KCNK2: variants seen among roughly 807,000 people sequenced by gnomAD.
KCNK2 encodes the protein potassium channel subfamily K member 2.
Under a neutral mutation model 40.5 loss-of-function variants are expected in KCNK2, and 21 were observed. That is an observed-to-expected ratio of 0.52 (90% CI 0.37 to 0.75). KCNK2 has a LOEUF of 0.75. Among genes scored for constraint, KCNK2 ranks in the 30% least tolerant of loss-of-function variants. KCNK2 has a pLI of 0.00. For synonymous variants in KCNK2, 191 were observed against 202.2 expected, an observed-to-expected ratio of 0.94 and a Z score of 0.47; for missense variants, 399 against 531.6, an observed-to-expected ratio of 0.75 and a Z score of 2.45.
intron 6 of KCNK2, among the ~76,000 whole-genome samples, chr1:215,223,175 C>T (rs929347011): frequency 4.9e-5 from 7 of 143,186 alleles, no homozygotes; most frequent in Admixed American, 7.4e-5. Context: ...TGAAGCCATC[C>T]GTTAGGTGGA....
At chr1:215,102,348 G>C (rs950664229) in intron 2 of KCNK2, among the ~76,000 whole-genome samples, 1 of 151,616 alleles carries the variant, frequency 6.6e-6, no homozygotes, top group African/African-American at 2.4e-5. Context: ...GATTTAAAAA[G>C]TAAAAAATAA....
rs1659441572 is a variant in KCNK2, at chr1:215,086,410, A to G, written c.89A>G (p.Asn30Ser). The G allele has an allele frequency of 1.9e-6, 3 of 1,613,976 alleles. No individual in the cohort carries two copies. Among genetic ancestry groups the G allele is most frequent in the Non-Finnish European group, 2.5e-6 (3 of 1,179,986 alleles). The change falls in exon 2 of 7, where the codon AAC becomes AGC. Residue 30 changes from asparagine to serine, a missense_variant. Around this residue, in one of 3 missense-constraint regions of KCNK2, gnomAD observed 279 missense variants for 353.8 expected, o/e 0.79. Coordinates refer to ENST00000444842, the MANE Select transcript of KCNK2 (RefSeq NM_001017425.3). ...DLLDPKSAAQ[N>S]SKPRLSFSTK... is the part of the protein sequence containing the mutation. ...CTGGATCCTAAATCTGCCGCTCAGA[A>G]CTCCAAACCGAGGCTCTCGTTTTCC...
chr1:215,104,184 A>G (rs994572646), intron 2 of KCNK2, among the ~76,000 whole-genome samples: 6 of 152,112 alleles, frequency 3.9e-5, no homozygotes, highest in Admixed American at 3.9e-4. Context: ...GATATTGTCT[A>G]TTCAAACTCT....
intron 3 of KCNK2, among the ~76,000 whole-genome samples, chr1:215,151,687 T>C (rs1264198236): frequency 3.3e-5 from 5 of 152,138 alleles, no homozygotes; most frequent in South Asian, 4.1e-4. Flanking sequence ...TTTGGAACTT[T>C]CGTTTGTAAT....
At chr1:215,015,854 T>C (rs1001904979) in intron 1 of KCNK2, among the ~76,000 whole-genome samples, 2 of 152,150 alleles carry the variant, frequency 1.3e-5, no homozygotes, top group Admixed American at 1.3e-4. Context: ...GAGGGTTACC[T>C]TGGAGGCAAA....
rs773024551 is a variant in KCNK2 at position 215,234,848 on chromosome 1, C to T, written c.984C>T (p.His328=). 15 of 1,613,082 alleles carry T rather than the reference C, an allele frequency of 9.3e-6. No individual in the cohort carries two copies. The highest frequency in any genetic ancestry group is 4.5e-5 in the East Asian group (2 of 44,832). The change falls in exon 7 of 7, where the codon CAC becomes CAT. Residue 328 remains histidine, a synonymous_variant. Coordinates refer to ENST00000444842, the MANE Select transcript of KCNK2 (RefSeq NM_001017425.3). ...TCCAGGTGGGAGAGTTCAGAGCACA[C>T]GCTGCTGAGTGGACAGCCAACGTCA... ...TKEEVGEFRA[H]AAEWTANVTA...
At chr1:215,060,566 G>T (rs951157163) in intron 1 of KCNK2, among the ~76,000 whole-genome samples, 1 of 152,176 alleles carries the variant, frequency 6.6e-6, no homozygotes, top group Non-Finnish European at 1.5e-5. Flanking sequence ...TTTAAGAAAC[G>T]TTCATGCCAT....
At chr1:215,191,242 C>T (rs1482911656) in intron 5 of KCNK2, among the ~76,000 whole-genome samples, 1 of 150,726 alleles carries the variant, frequency 6.6e-6, no homozygotes, top group African/African-American at 2.4e-5. Flanking sequence ...CCGAAATGCA[C>T]CACTGCACTC....
At chr1:215,223,128 T>G (rs1041358749) in intron 6 of KCNK2, among the ~76,000 whole-genome samples, 1 of 151,566 alleles carries the variant, frequency 6.6e-6, no homozygotes, top group Admixed American at 6.6e-5. Flanking sequence ...ATGGTCATTC[T>G]TAAATCCTAA....
At chr1:215,045,340 T>C (rs1404019013) in intron 1 of KCNK2, among the ~76,000 whole-genome samples, 1 of 152,200 alleles carries the variant, frequency 6.6e-6, no homozygotes, top group African/African-American at 2.4e-5. Flanking sequence ...TGAAACCCAA[T>C]ACTGGTGTTG....
intron 5 of KCNK2, among the ~76,000 whole-genome samples, chr1:215,183,255 T>C (rs554093130): frequency 6.6e-6 from 1 of 152,200 alleles, no homozygotes; most frequent in Non-Finnish European, 1.5e-5. Flanking sequence ...TAACTTATCT[T>C]TGCCCTTTCT....
intron 6 of KCNK2, among the ~76,000 whole-genome samples, chr1:215,225,714 T>C (rs565078952): frequency 1.3e-5 from 2 of 152,330 alleles, no homozygotes; most frequent in African/African-American, 2.4e-5. Context: ...AAGAAATTGA[T>C]AGAATGCATA....
chr1:215,187,465 T>C (rs1664487730), intron 5 of KCNK2, among the ~76,000 whole-genome samples: 1 of 152,142 alleles, frequency 6.6e-6, no homozygotes, highest in Admixed American at 6.5e-5. Context: ...ATCTAAGAAG[T>C]CTTATTAATT....
intron 6 of KCNK2, among the ~76,000 whole-genome samples, chr1:215,217,038 T>C (rs557653002): frequency 9.2e-5 from 14 of 152,384 alleles, no homozygotes; most frequent in African/African-American, 3.1e-4. Context: ...AAAGACTAAC[T>C]GCAGGGACAA....
chr1:215,208,747 TATG>T (rs1665424662), intron 6 of KCNK2, among the ~76,000 whole-genome samples: 1 of 152,102 alleles, frequency 6.6e-6, no homozygotes, highest in Non-Finnish European at 1.5e-5. Flanking sequence ...TGAGTATAAA[TATG>T]ATGATTTTTT....
rs868185546 is a variant in KCNK2, at chr1:215,230,484, C to T, written c.964-4344C>T. Among the ~76,000 whole-genome samples, 828 of 128,858 alleles carry T rather than the reference C, an allele frequency of 6.4e-3. 18 individuals carry two copies. Among genetic ancestry groups the T allele is most frequent in the African/African-American group, 0.024 (774 of 31,960 alleles). 84.5% of individuals were successfully genotyped at this position (128,858 alleles called of 152,430 possible). A position where few individuals can be genotyped will look rare whatever the true frequency, so the allele number is the denominator to read the frequency against. On this transcript the variant is annotated intron_variant, in intron 6 of 6. Transcript: ENST00000444842. ...ATGGCTGTAGATATATATATACACA[C>T]ACACACACACACACACACGGCTGTA...
At chr1:215,045,117 G>A (rs1197499965) in intron 1 of KCNK2, among the ~76,000 whole-genome samples, 2 of 151,990 alleles carry the variant, frequency 1.3e-5, no homozygotes, top group African/African-American at 4.8e-5. Context: ...CCAGGAGGCT[G>A]AGCTTGCAGT....
At chr1:215,108,718 G>T (rs569297288) in intron 2 of KCNK2, among the ~76,000 whole-genome samples, 1 of 144,428 alleles carries the variant, frequency 6.9e-6, no homozygotes, top group South Asian at 2.2e-4. Context: ...CCAAAAGACA[G>T]CAGACAGCTC....
chr1:215,116,306 T>G (rs1031870246), intron 2 of KCNK2, among the ~76,000 whole-genome samples: 1 of 152,112 alleles, frequency 6.6e-6, no homozygotes, highest in Non-Finnish European at 1.5e-5. Flanking sequence ...TGCAAAATAC[T>G]GTTTTAGGAA....
Sources: gnomAD v4.1 joint callset for allele counts (sites outside exome capture counted in the v4.1 genomes callset) on GRCh38, gnomAD v4.1.1 for gene constraint, gnomAD v4.1.1 regional missense constraint, MANE v1.5 for transcripts, NCBI Gene and HGNC (gene_info 2026-07-23, HGNC 2026-07-21) for gene names.